ATP10B: variants seen among roughly 807,000 people sequenced by gnomAD.
ATP10B encodes ATPase phospholipid transporting 10B (putative).
A neutral mutation model predicts 141.2 loss-of-function variants in ATP10B; 122 were observed. That is an observed-to-expected ratio of 0.86 (90% confidence interval 0.75 to 1.00). ATP10B has a LOEUF of 1.00. Ranked by LOEUF, ATP10B falls within the 50% of genes least tolerant of loss-of-function variation. The pLI, the probability that ATP10B is intolerant of heterozygous loss-of-function variation, is 0.00. For synonymous variants in ATP10B, 685 were observed against 692.0 expected (o/e 0.99, Z 0.16); for missense variants, 1,876 against 1,825.3 (o/e 1.03, Z -0.51).
chr5:160,733,156 G>A (rs1432008842), intron 2 of ATP10B, among the ~76,000 whole-genome samples: 2 of 152,090 alleles, frequency 1.3e-5, no homozygotes, highest in African/African-American at 2.4e-5. Context: ...AGTTTTCATT[G>A]TAGAGATTTT....
intron 2 of ATP10B, among the ~76,000 whole-genome samples, chr5:160,763,289 C>A (rs1769177397): frequency 6.6e-6 from 1 of 152,084 alleles, no homozygotes; most frequent in African/African-American, 2.4e-5. Context: ...GGAACATTCT[C>A]CAAGATAGAC....
At chr5:160,909,076 A>C in the ATP10B span, among the ~76,000 whole-genome samples, 4 of 152,270 alleles carry the variant, frequency 2.6e-5, no homozygotes, top group East Asian at 7.7e-4. Flanking sequence ...GCTCACCTTA[A>C]GTGGCCTATG....
chr5:160,797,235 G>T (rs1772011493), intron 1 of ATP10B, among the ~76,000 whole-genome samples: 1 of 152,132 alleles, frequency 6.6e-6, no homozygotes. Flanking sequence ...GCTCCACTGT[G>T]TCCGGCCCAC....
chr5:160,889,458 T>G, the ATP10B span, among the ~76,000 whole-genome samples: 1 of 152,204 alleles, frequency 6.6e-6, no homozygotes, highest in Admixed American at 6.5e-5. Context: ...CCCAAAGAAC[T>G]GATCAGCTGA....
rs184792648 is a variant in ATP10B at position 160,688,044 on chromosome 5, G to C, written c.31C>G (p.Arg11Gly). The stretch of plus-strand genomic sequence containing the variant: ...CCATCTCTGACTCTCCACTGCCACC[G>C]ATGCCACGATGAGTCCACTGAGAGG... MALSVDSSWH[R>G]WQWRVRDGFP... is the part of the protein sequence containing the mutation. The change falls in exon 5 of 26, where the codon CGG (arginine) becomes GGG (glycine). Residue 11 changes from arginine (R) to glycine (G), a missense_variant. Arg to Gly is a moderately radical substitution (Grantham distance 125). Coordinates refer to ENST00000327245, the MANE Select transcript of ATP10B (RefSeq NM_025153.3). 2 of 1,613,452 alleles carry C rather than the reference G, an allele frequency of 1.2e-6. No individual in the cohort carries two copies. Among genetic ancestry groups the C allele is most frequent in the Non-Finnish European group, 1.7e-6 (2 of 1,179,938 alleles).
intron 3 of ATP10B, among the ~76,000 whole-genome samples, chr5:160,695,489 AGTGTGTGT>A (rs59946073): frequency 9.7e-4 from 145 of 148,788 alleles, no homozygotes; most frequent in South Asian, 4.1e-3. Flanking sequence ...TGCGTGAGTG[AGTGTGTGT>A]GTGTGTGTGT....
intron 2 of ATP10B, among the ~76,000 whole-genome samples, chr5:160,754,865 A>G (rs747541712): frequency 1.3e-5 from 2 of 152,178 alleles, no homozygotes; most frequent in African/African-American, 4.8e-5. Flanking sequence ...AAGATCACCA[A>G]TGTGTCACCT....
At chr5:160,571,554 C>T (rs1754877421) in intron 24 of ATP10B, among the ~76,000 whole-genome samples, 1 of 152,074 alleles carries the variant, frequency 6.6e-6, no homozygotes, top group Non-Finnish European at 1.5e-5. Context: ...TGGTTTTTCA[C>T]TCATGGACTC....
chr5:160,905,564 T>G, the ATP10B span, among the ~76,000 whole-genome samples: 1 of 152,048 alleles, frequency 6.6e-6, no homozygotes, highest in African/African-American at 2.4e-5. Flanking sequence ...ATAACTTATG[T>G]GGGTCCTCAA....
chr5:160,569,621 C>G lies in ATP10B; in HGVS notation c.3813G>C (p.Leu1271=). 1 of 1,611,416 alleles carries G rather than the reference C, an allele frequency of 6.2e-7. No homozygotes were observed. The highest frequency in any genetic ancestry group is 8.5e-7 in the Non-Finnish European group (1 of 1,178,972). ...TGCAGATGACGCAGGTGGCATTGTA[C>G]AGGAGGGATACCAGAAAGTACATCA... The part of the protein sequence containing the change: ...SFLMYFLVSL[L]YNATCVICNS... Residue 1271 remains leucine (L), a synonymous_variant, in exon 25 of 26, where the codon CTG becomes CTC. Transcript: ENST00000327245.
the ATP10B span, among the ~76,000 whole-genome samples, chr5:160,868,026 C>T: frequency 8.6e-5 from 13 of 152,040 alleles, no homozygotes; most frequent in Non-Finnish European, 1.8e-4. Flanking sequence ...GCTCTGAAAA[C>T]CAACAAAATC....
intron 3 of ATP10B, among the ~76,000 whole-genome samples, chr5:160,704,914 C>CT (rs1170629163): frequency 0.012 from 1,008 of 83,590 alleles, 46 homozygotes; most frequent in Middle Eastern, 0.024. Flanking sequence ...TTTCTTTCAT[C>CT]TTTTTTTTTT....
At chr5:160,652,238 T>C (rs908517070) in intron 7 of ATP10B, among the ~76,000 whole-genome samples, 1 of 152,064 alleles carries the variant, frequency 6.6e-6, no homozygotes, top group African/African-American at 2.4e-5. Context: ...TTCTAGCTAC[T>C]TGTCCCCTGG....
At position 160,568,588 on chromosome 5, in the gene ATP10B, C is replaced by T. The variant is rs150520935; in HGVS notation, c.3938+908G>A. Among the ~76,000 whole-genome samples, 19 of 152,270 alleles carry T rather than the reference C, an allele frequency of 1.2e-4. No individual in the cohort carries two copies. In the East Asian group the frequency reaches 2.7e-3, roughly 22 times the overall value. ...TGCTCTGACTAGAGAGAGTGGGCTG[C>T]GGAATAGAACACTGGCCTTTGAGTT... On this transcript the variant is annotated intron_variant, in intron 25 of 25. Coordinates refer to ENST00000327245, the MANE Select transcript of ATP10B (RefSeq NM_025153.3).
At chr5:160,628,654 G>T (rs548851507) in intron 13 of ATP10B, among the ~76,000 whole-genome samples, 4 of 152,244 alleles carry the variant, frequency 2.6e-5, no homozygotes, top group African/African-American at 9.6e-5. Flanking sequence ...GAGCCTAACT[G>T]GCCCCAATAC....
chr5:160,773,212 A>G (rs1770034029), intron 2 of ATP10B, among the ~76,000 whole-genome samples: 1 of 152,132 alleles, frequency 6.6e-6, no homozygotes. Context: ...AAAAGTAGAG[A>G]AGCCTGGTCT....
intron 2 of ATP10B, among the ~76,000 whole-genome samples, chr5:160,748,963 T>G (rs1168937439): frequency 1.3e-5 from 2 of 152,140 alleles, no homozygotes; most frequent in East Asian, 3.9e-4. Context: ...CATAGTAATG[T>G]TTGGGAGGAA....
At chr5:160,575,433 TG>T (rs57157736) in intron 24 of ATP10B, among the ~76,000 whole-genome samples, 2,061 of 152,278 alleles carry the variant, frequency 0.014, 42 homozygotes, top group African/African-American at 0.048. Context: ...ACCACCTTTT[TG>T]TTTAAAGAAA....
At chr5:160,637,905 C>T (rs762292692) in intron 10 of ATP10B, among the ~76,000 whole-genome samples, 8 of 152,094 alleles carry the variant, frequency 5.3e-5, no homozygotes, top group Non-Finnish European at 1.2e-4. Context: ...AAGCAGATGA[C>T]TAAGGACAAA....
Sources: allele counts gnomAD v4.1 joint callset (sites outside exome capture counted in the v4.1 genomes callset), GRCh38; gene constraint gnomAD v4.1.1; transcripts MANE v1.5; gene names NCBI Gene and HGNC (gene_info 2026-07-23, HGNC 2026-07-21).